The following ZNF232 variants were observed in gnomAD, a reference collection of about 807,000 sequenced individuals.
ZNF232 encodes zinc finger protein 232.
ZNF232 carries 25 observed loss-of-function variants against 25.2 expected under a neutral mutation model. The ratio of observed to expected loss-of-function variants is 0.99; its 90% CI spans 0.72 to 1.39. The LOEUF is 1.39. Ranked by LOEUF, ZNF232 falls within the 40% of genes most tolerant of loss-of-function variation. The pLI is 0.00. For synonymous variants in ZNF232, 193 were observed against 182.9 expected (o/e 1.06, Z -0.45); for missense variants, 519 against 520.9 (o/e 1.00, Z 0.04).
chr17:5,117,217 CAT>C (rs2072557456), intron 1 of ZNF232, among the ~76,000 whole-genome samples: 2 of 152,188 alleles, frequency 1.3e-5, no homozygotes, highest in Admixed American at 1.3e-4. Flanking sequence ...CTGCTTAACA[CAT>C]ATTAAAAGCT....
upstream of ZNF232, among the ~76,000 whole-genome samples, chr17:5,115,555 A>AC (rs2072512102): frequency 4.6e-3 from 678 of 148,776 alleles, 12 homozygotes; most frequent in African/African-American, 0.016. Flanking sequence ...CGTCTCCAAA[A>AC]ACACACACAC....
At chr17:5,120,702 A>G (rs2072634165) in intron 1 of ZNF232, 2 of 422,356 alleles carry the variant, frequency 4.7e-6, no homozygotes, top group Non-Finnish European at 9.4e-6. Flanking sequence ...AGTGAACCTG[A>G]GCTGGATCCT....
intron 1 of ZNF232, among the ~76,000 whole-genome samples, chr17:5,110,223 C>G: frequency 1.3e-5 from 2 of 152,146 alleles, no homozygotes; most frequent in Middle Eastern, 6.8e-3. Flanking sequence ...TAAACATATA[C>G]ATATACTCAA....
intron 3 of ZNF232, chr17:5,108,695 C>A: frequency 2.0e-6 from 1 of 502,264 alleles, no homozygotes; most frequent in South Asian, 2.4e-5. Context: ...CAGATAAGAC[C>A]CAAGTTGAGC....
upstream of ZNF232, chr17:5,112,091 T>C (rs934298729): frequency 1.1e-5 from 6 of 561,698 alleles, no homozygotes; most frequent in Non-Finnish European, 1.9e-5. Context: ...GGAATTGCAG[T>C]CCTTGCGCAG....
chr17:5,106,453 G>C lies in ZNF232; in HGVS notation c.679C>G (p.Pro227Ala), dbSNP rs753117440. Reference sequence around the variant, plus strand: ...ACCTGTGATTCCACTTCAGTAATGGGTGGTTGTGGCAATGATCCTTTGTCC... The same window carrying C: ...ACCTGTGATTCCACTTCAGTAATGGCTGGTTGTGGCAATGATCCTTTGTCC... The change falls in exon 4 of 4, where the codon CCC becomes GCC. Residue 227 changes from proline (P) to alanine (A), a missense_variant. Transcript: ENST00000575898. The C allele has an allele frequency of 5.3e-5, 85 of 1,614,208 alleles. No individual in the cohort carries two copies. In the East Asian group the frequency reaches 1.9e-3, roughly 36 times the overall value.
chr17:5,118,266 C>A (rs968256036), intron 1 of ZNF232: 19 of 152,566 alleles, frequency 1.2e-4, no homozygotes, highest in African/African-American at 3.9e-4. Context: ...GCCCACTGTG[C>A]TCAACCTCTT....
At chr17:5,105,947 C>T in exon 4 of ZNF232, 2 of 1,614,206 alleles carry the variant, frequency 1.2e-6, no homozygotes, top group South Asian at 1.1e-5. Context: ...TTCTCCGATG[C>T]TGACTTAGAT....
upstream of ZNF232, chr17:5,113,696 G>A (rs2072468236): frequency 6.6e-6 from 1 of 152,118 alleles, no homozygotes; most frequent in South Asian, 2.1e-4. Context: ...GCAGACTTTT[G>A]GATTAGATTC....
upstream of ZNF232, chr17:5,114,509 T>A (rs538412545): frequency 1.3e-5 from 2 of 152,348 alleles, no homozygotes; most frequent in Non-Finnish European, 2.9e-5. Context: ...CTCTCTCACC[T>A]TGTATGGATT....
chr17:5,112,790 C>G (rs1404553640), upstream of ZNF232, among the ~76,000 whole-genome samples: 1 of 151,668 alleles, frequency 6.6e-6, no homozygotes, highest in Admixed American at 6.6e-5. Flanking sequence ...TGGTGAAACC[C>G]TGTCTCTATT....
chr17:5,121,117 A>G (rs765292886), intron 1 of ZNF232, among the ~76,000 whole-genome samples: 7 of 152,176 alleles, frequency 4.6e-5, no homozygotes, highest in Non-Finnish European at 8.8e-5. Context: ...TGTCCTAGGG[A>G]CAGCAATAGG....
At chr17:5,106,189 C>A (rs2072256746) in exon 4 of ZNF232, 1 of 1,614,218 alleles carries the variant, frequency 6.2e-7, no homozygotes, top group Non-Finnish European at 8.5e-7. Context: ...CCAGAATGAA[C>A]TCTCTGGTGG....
chr17:5,107,394 G>GAAAAAA (rs749338515), intron 3 of ZNF232, among the ~76,000 whole-genome samples: 4 of 60,674 alleles, frequency 6.6e-5, no homozygotes, highest in African/African-American at 1.2e-4. Flanking sequence ...TCTCAAAAAG[G>GAAAAAA]AAAAAAAAAA....
chr17:5,118,827 T>C (rs2072588702), intron 1 of ZNF232, among the ~76,000 whole-genome samples: 1 of 152,220 alleles, frequency 6.6e-6, no homozygotes. Flanking sequence ...CCCGAAAGTC[T>C]GGCCATCTCT....
At chr17:5,121,238 G>A (rs1274216235) in intron 1 of ZNF232, 1 of 384,656 alleles carries the variant, frequency 2.6e-6, no homozygotes, top group East Asian at 7.2e-5. Flanking sequence ...CAACGTGGGT[G>A]CAGAGGGTCT....
chr17:5,122,338 A>G (rs1287899404), intron 1 of ZNF232, among the ~76,000 whole-genome samples: 2 of 152,136 alleles, frequency 1.3e-5, no homozygotes, highest in Non-Finnish European at 2.9e-5. Context: ...TGGTGACACC[A>G]TCAGCCACAG....
chr17:5,109,177 G>A, intron 2 of ZNF232, 125 bp from the exon 3 acceptor site: 1 of 1,418,088 alleles, frequency 7.1e-7, no homozygotes, highest in Admixed American at 2.0e-5. Flanking sequence ...AGACTTTAGA[G>A]AGCCTCCTCA....
upstream of ZNF232, chr17:5,113,499 C>T (rs551477451): frequency 1.3e-5 from 2 of 152,340 alleles, no homozygotes; most frequent in African/African-American, 4.8e-5. Context: ...TCCTACAGAA[C>T]AGATTGAATC....
Sources: allele counts gnomAD v4.1 joint callset (sites outside exome capture counted in the v4.1 genomes callset), GRCh38; gene constraint gnomAD v4.1.1; transcripts MANE v1.5; gene names NCBI Gene and HGNC (gene_info 2026-07-23, HGNC 2026-07-21).